NAALADL2: variants seen among roughly 807,000 people sequenced by gnomAD.
NAALADL2 encodes inactive N-acetylated-alpha-linked acidic dipeptidase-like protein 2.
In NAALADL2, 76 loss-of-function variants were observed where a neutral mutation model predicts 87.2. The observed-to-expected ratio is 0.87, with a 90% CI of 0.72 to 1.05. The LOEUF (loss-of-function observed/expected upper bound fraction) is 1.05. Among genes scored for constraint, NAALADL2 ranks in the 50% least tolerant of loss-of-function variants. NAALADL2 has a pLI of 0.00. For missense variants in NAALADL2, 1,089 were observed against 945.8 expected (o/e 1.15, Z -1.99); for synonymous variants, 354 against 331.0 (o/e 1.07, Z -0.75).
chr3:174,956,267 G>A (rs754798264), intron 1 of NAALADL2, among the ~76,000 whole-genome samples: 85 of 152,002 alleles, frequency 5.6e-4, no homozygotes, highest in Non-Finnish European at 9.6e-4. Flanking sequence ...TGGTAATCTT[G>A]TAGTCTCTTA....
At chr3:174,454,033 G>A (rs762022551) in intron 1 of NAALADL2, among the ~76,000 whole-genome samples, 1 of 152,114 alleles carries the variant, frequency 6.6e-6, no homozygotes, top group East Asian at 1.9e-4. Flanking sequence ...GACACCCACA[G>A]GCTTAAAATA....
chr3:175,115,846 G>A (rs1003034893), intron 2 of NAALADL2, among the ~76,000 whole-genome samples: 1 of 151,804 alleles, frequency 6.6e-6, no homozygotes, highest in Admixed American at 6.6e-5. Context: ...ATAAAATGCT[G>A]GCAAACCGAA....
At chr3:174,847,395 A>G (rs1724748358) in intron 3 of NAALADL2, among the ~76,000 whole-genome samples, 1 of 152,184 alleles carries the variant, frequency 6.6e-6, no homozygotes, top group South Asian at 2.1e-4. Context: ...AATGCCATAT[A>G]ACTCATAATA....
In NAALADL2 at chr3:175,351,647, T is replaced by G. The variant is rs187551051; in HGVS notation, c.1090+27322T>G. On this transcript the variant is annotated intron_variant, in intron 5 of 13. Transcript: ENST00000454872. ...CATATTGGACTGGCAGGAAAGCTGG[T>G]GAATTTGCGTACGTGTGGCAATCAG... is the stretch of plus-strand genomic sequence containing the variant. 1.4e-3 allele frequency among the ~76,000 whole-genome samples: 209 copies of G among 152,218 alleles called. 1 individual carries two copies. The highest frequency in any genetic ancestry group is 4.9e-3 in the African/African-American group (203 of 41,550).
At chr3:175,102,279 A>G (rs1383416558) in intron 2 of NAALADL2, among the ~76,000 whole-genome samples, 2 of 152,296 alleles carry the variant, frequency 1.3e-5, no homozygotes, top group Admixed American at 6.5e-5. Context: ...CACAGCTTCA[A>G]GGAGTTCCAA....
chr3:174,887,915 CAATA>C (rs777828941), intron 1 of NAALADL2, among the ~76,000 whole-genome samples: 32 of 150,132 alleles, frequency 2.1e-4, no homozygotes, highest in Middle Eastern at 3.4e-3. Context: ...GTAAGATAGA[CAATA>C]AATAAAAATA....
intron 11 of NAALADL2, among the ~76,000 whole-genome samples, chr3:175,644,282 C>T (rs1470406783): frequency 6.6e-6 from 1 of 151,988 alleles, no homozygotes; most frequent in African/African-American, 2.4e-5. Flanking sequence ...AATAGTTCGT[C>T]ATTTCCATGT....
At chr3:175,330,780 A>C (rs879323554) in intron 5 of NAALADL2, among the ~76,000 whole-genome samples, 2 of 152,146 alleles carry the variant, frequency 1.3e-5, no homozygotes, top group Non-Finnish European at 2.9e-5. Context: ...ACCCATACTT[A>C]GTAGAATGAA....
intron 4 of NAALADL2, among the ~76,000 whole-genome samples, chr3:175,276,771 A>T (rs1397377754): frequency 6.6e-6 from 1 of 152,168 alleles, no homozygotes; most frequent in East Asian, 1.9e-4. Flanking sequence ...ATTCTTATTT[A>T]TTTTTTAAAT....
intron 10 of NAALADL2, among the ~76,000 whole-genome samples, chr3:175,623,194 A>G (rs116492445): frequency 6.6e-6 from 1 of 152,142 alleles, no homozygotes; most frequent in Non-Finnish European, 1.5e-5. Flanking sequence ...ATATCTTTTG[A>G]CAATTGTATA....
intron 1 of NAALADL2, among the ~76,000 whole-genome samples, chr3:174,520,036 T>C (rs1043053658): frequency 3.3e-5 from 5 of 152,128 alleles, no homozygotes; most frequent in Admixed American, 6.5e-5. Flanking sequence ...CAAGGAGAAC[T>C]ACAAAACACT....
At chr3:174,619,985 A>G (rs990310515) in intron 2 of NAALADL2, among the ~76,000 whole-genome samples, 2 of 151,812 alleles carry the variant, frequency 1.3e-5, no homozygotes, top group Non-Finnish European at 2.9e-5. Context: ...TTCCCATCTT[A>G]TGTATGAGGG....
intron 9 of NAALADL2, among the ~76,000 whole-genome samples, chr3:175,506,627 T>C (rs969845660): frequency 6.6e-6 from 1 of 152,190 alleles, no homozygotes; most frequent in African/African-American, 2.4e-5. Context: ...AAACAGAATA[T>C]TTCTAGGAGT....
chr3:175,285,790 AT>A (rs1754904926), intron 4 of NAALADL2, among the ~76,000 whole-genome samples: 3 of 152,220 alleles, frequency 2.0e-5, no homozygotes, highest in South Asian at 4.1e-4. Flanking sequence ...ACATGTTATT[AT>A]GTGTATCACA....
intron 2 of NAALADL2, among the ~76,000 whole-genome samples, chr3:174,624,071 TTAAGA>T (rs1721308504): frequency 6.6e-6 from 1 of 152,150 alleles, no homozygotes; most frequent in Admixed American, 6.5e-5. Context: ...ATGTCTTATT[TTAAGA>T]TATTTTAAAA....
At chr3:175,399,340 T>C (rs1297437283) in intron 5 of NAALADL2, among the ~76,000 whole-genome samples, 1 of 152,092 alleles carries the variant, frequency 6.6e-6, no homozygotes, top group Non-Finnish European at 1.5e-5. Context: ...AGGCTAGGAA[T>C]ACCTAACTTT....
chr3:175,325,704 A>G (rs1760624877), intron 5 of NAALADL2, among the ~76,000 whole-genome samples: 1 of 152,232 alleles, frequency 6.6e-6, no homozygotes, highest in Admixed American at 6.5e-5. Context: ...CATTTCATAA[A>G]TACAGAATTC....
intron 2 of NAALADL2, among the ~76,000 whole-genome samples, chr3:174,590,506 T>A (rs1028518688): frequency 1.2e-4 from 18 of 152,180 alleles, no homozygotes; most frequent in Non-Finnish European, 2.4e-4. Context: ...TTTTATTTTT[T>A]ACTGATAGAT....
intron 1 of NAALADL2, among the ~76,000 whole-genome samples, chr3:174,873,696 G>T (rs770077261): frequency 1.6e-4 from 24 of 151,932 alleles, no homozygotes; most frequent in Non-Finnish European, 3.2e-4. Context: ...AATGAAATCT[G>T]GGAAGCCTAT....
Sources: allele counts gnomAD v4.1 joint callset (sites outside exome capture counted in the v4.1 genomes callset), GRCh38; gene constraint gnomAD v4.1.1; transcripts MANE v1.5; gene names NCBI Gene and HGNC (gene_info 2026-07-23, HGNC 2026-07-21).